NRXN1: variants seen among roughly 807,000 people sequenced by gnomAD.
The protein encoded by NRXN1 is neurexin 1.
Under a neutral mutation model 150.9 loss-of-function variants are expected in NRXN1, and 39 were observed. The observed-to-expected ratio is 0.26, with a 90% CI of 0.20 to 0.34. The LOEUF (loss-of-function observed/expected upper bound fraction) is 0.34. Ranked by LOEUF, NRXN1 falls within the 10% of genes least tolerant of loss-of-function variation. NRXN1 has a pLI of 1.00. For synonymous variants in NRXN1, 924 were observed against 757.0 expected, an observed-to-expected ratio of 1.22 and a Z score of -3.62; for missense variants, 1,815 against 1,949.9, an observed-to-expected ratio of 0.93 and a Z score of 1.30.
intron 2 of NRXN1, among the ~76,000 whole-genome samples, chr2:50,959,273 A>G (rs1692767240): frequency 6.6e-6 from 1 of 152,090 alleles, no homozygotes; most frequent in Admixed American, 6.6e-5. Flanking sequence ...ACTCAAGAGA[A>G]CGGAAAATAT....
intron 5 of NRXN1, among the ~76,000 whole-genome samples, chr2:50,685,529 A>G (rs1691094728): frequency 6.6e-6 from 1 of 151,906 alleles, no homozygotes; most frequent in African/African-American, 2.4e-5. Context: ...TCCAGTCTTT[A>G]TTTTCATTTG....
chr2:50,656,153 C>T (rs1416037012), intron 5 of NRXN1, among the ~76,000 whole-genome samples: 2 of 151,874 alleles, frequency 1.3e-5, no homozygotes, highest in East Asian at 1.9e-4. Context: ...AACTATTGTT[C>T]CTCAGACTTA....
At chr2:50,105,362 C>T (rs994742063) in intron 18 of NRXN1, 1 of 152,014 alleles carries the variant, frequency 6.6e-6, no homozygotes, top group Admixed American at 6.6e-5. Context: ...GAAGTACTAT[C>T]TTTTAGGTTT....
chr2:49,988,898 T>G (rs893915273), intron 21 of NRXN1, among the ~76,000 whole-genome samples: 1 of 152,146 alleles, frequency 6.6e-6, no homozygotes, highest in East Asian at 1.9e-4. Context: ...TTTTAAAAAT[T>G]AAAACTCTCA....
At chr2:50,382,204 T>G (rs544586302) in intron 17 of NRXN1, among the ~76,000 whole-genome samples, 18 of 152,328 alleles carry the variant, frequency 1.2e-4, no homozygotes, top group African/African-American at 3.6e-4. Flanking sequence ...ATACAATGTC[T>G]ACTATACAGT....
chr2:50,660,333 G>A (rs915720811), intron 5 of NRXN1, among the ~76,000 whole-genome samples: 4 of 152,020 alleles, frequency 2.6e-5, no homozygotes, highest in African/African-American at 7.2e-5. Context: ...CAAAGTCTAG[G>A]CTCTTAACAA....
intron 21 of NRXN1, among the ~76,000 whole-genome samples, chr2:50,048,510 T>A (rs1692190782): frequency 6.6e-6 from 1 of 152,174 alleles, no homozygotes; most frequent in African/African-American, 2.4e-5. Context: ...TCTAAATATT[T>A]TTCAAGGAAA....
At position 50,347,043 on chromosome 2, in the gene NRXN1, G is replaced by A; in HGVS notation, c.3365-110073C>T. 1.4e-6 allele frequency: 2 copies of A among 1,379,614 alleles called. No homozygotes were observed. The highest frequency in any genetic ancestry group is 1.5e-5 in the African/African-American group (1 of 66,886). 85.5% of individuals were successfully genotyped at this position (1,379,614 alleles called of 1,614,324 possible). ...GCAGGGGAGCGGGCGGCGCGGAGTGGGCTGAGGGGCCGGCCGCCTCACCGC... is the reference window on the plus strand; with the variant it reads ...GCAGGGGAGCGGGCGGCGCGGAGTGAGCTGAGGGGCCGGCCGCCTCACCGC... On this transcript the variant is annotated intron_variant, in intron 17 of 22. Transcript: ENST00000401669. This position sits in a 1 kb window ranked among gnomAD's most constrained non-coding sequence, Gnocchi z 4.9.
intron 2 of NRXN1, among the ~76,000 whole-genome samples, chr2:50,996,972 T>C (rs1006250421): frequency 2.6e-5 from 4 of 152,036 alleles, no homozygotes; most frequent in African/African-American, 9.7e-5. Context: ...GCCATAGGTT[T>C]CACGTAAGGA....
chr2:50,357,302 A>ATTTATTTTTT (rs59536239), intron 17 of NRXN1, among the ~76,000 whole-genome samples: 16 of 142,900 alleles, frequency 1.1e-4, no homozygotes, highest in African/African-American at 4.4e-4. Context: ...TTATTTATTT[A>ATTTATTTTTT]TTTTTTTTTT....
chr2:50,882,617 A>G (rs952784861), intron 5 of NRXN1, among the ~76,000 whole-genome samples: 3 of 151,850 alleles, frequency 2.0e-5, no homozygotes, highest in African/African-American at 7.2e-5. Flanking sequence ...GCGCCAAGTT[A>G]AAGACGAACC....
At chr2:50,942,687 T>C (rs560317852) in intron 2 of NRXN1, among the ~76,000 whole-genome samples, 43 of 152,354 alleles carry the variant, frequency 2.8e-4, no homozygotes, top group African/African-American at 9.4e-4. Context: ...AGGGAACATT[T>C]ACCCAATGCC....
intron 21 of NRXN1, among the ~76,000 whole-genome samples, chr2:50,020,624 GCT>G (rs1175793621): frequency 1.3e-5 from 2 of 152,158 alleles, no homozygotes; most frequent in African/African-American, 2.4e-5. Flanking sequence ...AAATCAAAAT[GCT>G]CTGTTTCACT....
chr2:50,141,526 G>T (rs776420451), intron 18 of NRXN1, among the ~76,000 whole-genome samples: 1 of 151,928 alleles, frequency 6.6e-6, no homozygotes, highest in Non-Finnish European at 1.5e-5. Flanking sequence ...GAGACAACCT[G>T]CTGAATGGAA....
At chr2:50,607,999 A>G (rs902492516) in intron 8 of NRXN1, among the ~76,000 whole-genome samples, 5 of 151,906 alleles carry the variant, frequency 3.3e-5, no homozygotes, top group African/African-American at 1.2e-4. Flanking sequence ...CATCTCCAGA[A>G]AGAAGGCCAA....
At chr2:49,935,140 T>C (rs1279562744) in intron 22 of NRXN1, among the ~76,000 whole-genome samples, 1 of 152,210 alleles carries the variant, frequency 6.6e-6, no homozygotes, top group East Asian at 1.9e-4. Context: ...GTTAAGTGCT[T>C]TAGATGCATT....
chr2:50,093,300 T>C (rs922516218), intron 18 of NRXN1, among the ~76,000 whole-genome samples: 7 of 151,886 alleles, frequency 4.6e-5, no homozygotes, highest in Admixed American at 1.3e-4. Context: ...GGGGAAAATA[T>C]ATACTAAAGT....
intron 5 of NRXN1, among the ~76,000 whole-genome samples, chr2:50,842,963 T>C (rs893184496): frequency 7.2e-5 from 11 of 152,224 alleles, no homozygotes; most frequent in Admixed American, 4.6e-4. Context: ...TGCTTATTCC[T>C]ATCCCCTCGG....
chr2:50,264,007 A>T (rs1426021440), intron 17 of NRXN1, among the ~76,000 whole-genome samples: 1 of 152,100 alleles, frequency 6.6e-6, no homozygotes, highest in Non-Finnish European at 1.5e-5. Flanking sequence ...CTTAAGATTT[A>T]ATGAACCTAG....
Sources: gnomAD v4.1 joint callset for allele counts (sites outside exome capture counted in the v4.1 genomes callset) on GRCh38, gnomAD v4.1.1 for gene constraint, Gnocchi (gnomAD v3.1) non-coding constraint, MANE v1.5 for transcripts, NCBI Gene and HGNC (gene_info 2026-07-23, HGNC 2026-07-21) for gene names.